Variants in ASMTL observed in about 807,000 individuals in gnomAD.
ASMTL encodes probable bifunctional dTTP/UTP pyrophosphatase/methyltransferase protein.
ASMTL carries 57 observed loss-of-function variants against 60.3 expected under a neutral mutation model. The ratio of observed to expected loss-of-function variants is 0.95; its 90% CI spans 0.76 to 1.18. ASMTL has a LOEUF of 1.18. Ranked by LOEUF, ASMTL falls within the 50% of genes most tolerant of loss-of-function variation. ASMTL has a pLI of 0.00. For missense variants in ASMTL, 981 were observed against 852.6 expected (o/e 1.15, Z -1.88); for synonymous variants, 419 against 373.0 (o/e 1.12, Z -1.42).
At chrX:1,416,051 G>A (rs1346750026) in intron 11 of ASMTL, among the ~76,000 whole-genome samples, 4 of 144,328 alleles carry the variant, frequency 2.8e-5, no homozygotes, top group Non-Finnish European at 6.1e-5. Context: ...ACAGGCACAC[G>A]CGCACAGAGA....
At chrX:1,417,304 C>CAG (rs367803441) in intron 11 of ASMTL, among the ~76,000 whole-genome samples, 141,002 of 151,284 alleles carry the variant, frequency 0.93, 66,303 homozygotes, top group East Asian at 1. Flanking sequence ...GACGGGCACA[C>CAG]AGACGCACAT....
Position 1,440,201 on chromosome X carries a change from C to A in ASMTL, c.226-1057G>T, listed in dbSNP as rs1247354994. Among the ~76,000 whole-genome samples, 4 of 152,090 alleles carry A rather than the reference C, an allele frequency of 2.6e-5. 1 individual carries two copies. The highest frequency in any genetic ancestry group is 4.8e-5 in the African/African-American group (2 of 41,446). On this transcript the variant is annotated intron_variant, in intron 2 of 12. Coordinates refer to ENST00000381317, the MANE Select transcript of ASMTL (RefSeq NM_004192.4). ...TCCCGGGTTCACGCCATTCTCCCGCCTCAGCCTCCCGAGTAGCTGGGACTA... is the reference window on the plus strand; with the variant it reads ...TCCCGGGTTCACGCCATTCTCCCGCATCAGCCTCCCGAGTAGCTGGGACTA...
chrX:1,448,235 T>C (rs1252431437), intron 1 of ASMTL, among the ~76,000 whole-genome samples: 49 of 99,486 alleles, frequency 4.9e-4, no homozygotes, highest in East Asian at 1.9e-3. Context: ...GGACACACAC[T>C]GCCATCTTGG....
At chrX:1,449,760 GC>G (rs1456137138) in intron 1 of ASMTL, among the ~76,000 whole-genome samples, 1 of 104,398 alleles carries the variant, frequency 9.6e-6, no homozygotes, top group Non-Finnish European at 1.8e-5. Flanking sequence ...CAGTAACTAT[GC>G]CCCATCATCA....
intron 11 of ASMTL, among the ~76,000 whole-genome samples, chrX:1,414,569 G>A (rs1487210223): frequency 1.3e-5 from 2 of 152,046 alleles, no homozygotes; most frequent in African/African-American, 4.8e-5. Flanking sequence ...TTAGCCAGGC[G>A]TGGTGGCGGG....
intron 2 of ASMTL, among the ~76,000 whole-genome samples, chrX:1,440,519 G>T (rs1335524084): frequency 6.6e-6 from 1 of 152,210 alleles, no homozygotes; most frequent in East Asian, 1.9e-4. Context: ...AAAACACACA[G>T]TAATAGCTAT....
chrX:1,421,912 T>C (rs1400911969), intron 8 of ASMTL, 70 bp from the exon 9 acceptor site: 1 of 1,428,664 alleles, frequency 7.0e-7, no homozygotes, highest in Non-Finnish European at 9.8e-7. Flanking sequence ...GTAGGGGATG[T>C]ATCATTGAGA....
intron 12 of ASMTL, 157 bp from the exon 13 acceptor site, chrX:1,403,646 G>C: frequency 1.6e-6 from 1 of 640,384 alleles, no homozygotes; most frequent in Non-Finnish European, 2.8e-6. Context: ...GGAGGGGAGA[G>C]AGACAGAGAC....
intron 1 of ASMTL, among the ~76,000 whole-genome samples, chrX:1,451,640 AG>A (rs1317191435): frequency 1.3e-4 from 16 of 123,108 alleles, no homozygotes; most frequent in Middle Eastern, 6.8e-3. Flanking sequence ...CCCCATCCCT[AG>A]GGGGGTCCCG....
At chrX:1,416,727 C>T (rs1488939468) in intron 11 of ASMTL, among the ~76,000 whole-genome samples, 5 of 56,358 alleles carry the variant, frequency 8.9e-5, no homozygotes, top group Non-Finnish European at 1.7e-4. Context: ...CACACAAGGA[C>T]ATACCACACA....
intron 6 of ASMTL, 101 bp from the exon 7 acceptor site, chrX:1,428,222 G>C (rs559616819): frequency 7.1e-7 from 1 of 1,407,576 alleles, no homozygotes; most frequent in Non-Finnish European, 9.5e-7. Context: ...TCACGAGGTC[G>C]GGAGATCGAG....
intron 5 of ASMTL, among the ~76,000 whole-genome samples, chrX:1,434,551 C>T (rs1399773653): frequency 6.7e-6 from 1 of 150,212 alleles, no homozygotes; most frequent in Non-Finnish European, 1.5e-5. Flanking sequence ...CACCTGTAAT[C>T]CCAGCACTTT....
chrX:1,435,591 A>G, intron 4 of ASMTL, 103 bp downstream of exon 4: 1 of 1,109,620 alleles, frequency 9.0e-7, no homozygotes, highest in Non-Finnish European at 1.4e-6. Flanking sequence ...CAGACGGCAG[A>G]GCTGACAGAG....
intron 12 of ASMTL, among the ~76,000 whole-genome samples, chrX:1,407,569 AGACAGAT>A (rs1246622975): frequency 1.3e-5 from 2 of 152,044 alleles, no homozygotes; most frequent in African/African-American, 4.8e-5. Flanking sequence ...AATAAATGAT[AGACAGAT>A]GACAGGTGAC....
rs1239076713 is a variant in ASMTL, at chrX:1,443,057, G to A, written c.94-740C>T. 1.1e-4 allele frequency among the ~76,000 whole-genome samples: 3 copies of A among 28,016 alleles called. No homozygotes were observed. The Non-Finnish European group carries it at 3.7e-3, about 35-fold the overall frequency. 18.4% of individuals were successfully genotyped at this position (28,016 alleles called of 152,430 possible). On this transcript the variant is annotated intron_variant, in intron 1 of 12. Transcript: ENST00000381317. ...CATCTTGGACGCATACCACCATCGTGGACACACACCGTCGTCGTGGACACA... is the reference window on the plus strand; with the variant it reads ...CATCTTGGACGCATACCACCATCGTAGACACACACCGTCGTCGTGGACACA...
At chrX:1,411,989 T>C (rs1247618336) in intron 12 of ASMTL, among the ~76,000 whole-genome samples, 1 of 151,750 alleles carries the variant, frequency 6.6e-6, no homozygotes, top group Non-Finnish European at 1.5e-5. Context: ...TTTTTTGTGT[T>C]TGTTTTTAAT....
At chrX:1,440,575 A>C (rs2091085325) in intron 2 of ASMTL, among the ~76,000 whole-genome samples, 1 of 152,254 alleles carries the variant, frequency 6.6e-6, no homozygotes, top group African/African-American at 2.4e-5. Flanking sequence ...AGTCATATAT[A>C]ACATATAGTA....
intron 6 of ASMTL, among the ~76,000 whole-genome samples, chrX:1,431,748 A>G (rs1280118925): frequency 1.3e-5 from 2 of 150,946 alleles, no homozygotes; most frequent in East Asian, 3.9e-4. Context: ...TATATAATGT[A>G]TAATTATGTA....
intron 1 of ASMTL, among the ~76,000 whole-genome samples, chrX:1,444,333 C>G (rs542851891): frequency 2.1e-4 from 32 of 151,896 alleles, no homozygotes; most frequent in African/African-American, 6.8e-4. Context: ...CTCAGTCTCC[C>G]GAGTAGCTGG....
Sources: gnomAD v4.1 joint callset for allele counts (sites outside exome capture counted in the v4.1 genomes callset) on GRCh38, gnomAD v4.1.1 for gene constraint, MANE v1.5 for transcripts, NCBI Gene and HGNC (gene_info 2026-07-23, HGNC 2026-07-21) for gene names.